The following CHCHD6 variants were observed in gnomAD, a reference collection of about 807,000 sequenced individuals.
CHCHD6 encodes the protein coiled-coil-helix-coiled-coil-helix domain containing 6.
A neutral mutation model predicts 32.3 loss-of-function variants in CHCHD6; 28 were observed. The ratio of observed to expected loss-of-function variants is 0.87; its 90% CI spans 0.64 to 1.19. The LOEUF (loss-of-function observed/expected upper bound fraction) is 1.19. CHCHD6 is among the 50% of genes most tolerant of loss of function. CHCHD6 has a pLI of 0.00. For synonymous variants in CHCHD6, 122 were observed against 117.5 expected, an observed-to-expected ratio of 1.04 and a Z score of -0.25; for missense variants, 333 against 307.0, an observed-to-expected ratio of 1.08 and a Z score of -0.63.
rs564990633 is a variant in CHCHD6, at chr3:126,729,111, A to G, written c.197-1450A>G. Among the ~76,000 whole-genome samples, 19 of 152,376 alleles carry G rather than the reference A, an allele frequency of 1.2e-4. No individual in the cohort carries two copies. The South Asian group carries it at 2.7e-3, about 22-fold the overall frequency. The stretch of plus-strand genomic sequence containing the variant: ...ATAGAAGATAGATTTTCTACACGTC[A>G]TATTAAACGAAGAAACCTTAAATTA... On this transcript the variant is annotated intron_variant, in intron 2 of 7. Coordinates refer to ENST00000290913, the MANE Select transcript of CHCHD6 (RefSeq NM_032343.3).
At chr3:126,749,753 TG>T in intron 4 of CHCHD6, among the ~76,000 whole-genome samples, 1 of 152,340 alleles carries the variant, frequency 6.6e-6, no homozygotes, top group South Asian at 2.1e-4. Context: ...GGCTCTTTTA[TG>T]GGCAAGACCA....
At chr3:126,768,306 G>T (rs1390798916) in intron 4 of CHCHD6, among the ~76,000 whole-genome samples, 1 of 152,140 alleles carries the variant, frequency 6.6e-6, no homozygotes, top group Non-Finnish European at 1.5e-5. Flanking sequence ...CTGTAAGACA[G>T]CTGTTCCCCC....
chr3:126,952,006 G>A (rs6802184), intron 6 of CHCHD6, among the ~76,000 whole-genome samples: 152,145 of 152,358 alleles, frequency 1, 75,966 homozygotes, highest in Non-Finnish European at 1. Context: ...TCTACCTTAT[G>A]TGGGCCTGCT....
intron 1 of CHCHD6, among the ~76,000 whole-genome samples, chr3:126,720,405 G>C (rs995873705): frequency 3.3e-5 from 5 of 152,168 alleles, no homozygotes; most frequent in Non-Finnish European, 7.3e-5. Flanking sequence ...CAGGGGCCTG[G>C]TGCATTCCCA....
chr3:126,730,693 G>T, intron 3 of CHCHD6, 63 bp downstream of exon 3: 1 of 1,391,738 alleles, frequency 7.2e-7, no homozygotes. Context: ...TTTCCTCACT[G>T]GGTACCCCTC....
intron 5 of CHCHD6, among the ~76,000 whole-genome samples, chr3:126,867,877 C>T (rs937275766): frequency 6.6e-6 from 1 of 152,246 alleles, no homozygotes; most frequent in African/African-American, 2.4e-5. Flanking sequence ...TATGATCTGG[C>T]ATCCACCTGT....
rs1391057449 is a variant in CHCHD6 at position 126,874,022 on chromosome 3, C to G, written c.495+21292C>G. On this transcript the variant is annotated intron_variant, in intron 5 of 7. Coordinates refer to ENST00000290913, the MANE Select transcript of CHCHD6 (RefSeq NM_032343.3). ...TTTCCTTTCAGAAATGGAGATGGCC[C>G]CTGCCCCGCAGAACCCAGCTCACTG... Among the ~76,000 whole-genome samples, 23 of 152,164 alleles carry G rather than the reference C, an allele frequency of 1.5e-4. 1 individual carries two copies. Among genetic ancestry groups the G allele is most frequent in the Admixed American group, 1.5e-3 (23 of 15,282 alleles).
chr3:126,912,829 G>T (rs988428180), intron 5 of CHCHD6, among the ~76,000 whole-genome samples: 23 of 152,334 alleles, frequency 1.5e-4, no homozygotes, highest in African/African-American at 5.5e-4. Flanking sequence ...GACTAGAGGG[G>T]GGCCTGGTTT....
At chr3:126,865,956 C>T (rs1376772504) in intron 5 of CHCHD6, among the ~76,000 whole-genome samples, 2 of 152,138 alleles carry the variant, frequency 1.3e-5, no homozygotes, top group Non-Finnish European at 2.9e-5. Context: ...TGCACACCTG[C>T]GCTTTGCTAA....
At chr3:126,803,261 G>T (rs1281258348) in intron 4 of CHCHD6, among the ~76,000 whole-genome samples, 1 of 152,112 alleles carries the variant, frequency 6.6e-6, no homozygotes, top group African/African-American at 2.4e-5. Context: ...TTAAAAGACA[G>T]AGAGTGGCAA....
At chr3:126,957,742 A>G (rs2078807141) in intron 7 of CHCHD6, 191 bp downstream of exon 7, 4 of 708,708 alleles carry the variant, frequency 5.6e-6, no homozygotes, top group African/African-American at 1.8e-5. Context: ...GGCTGCTTCC[A>G]GGAGCGCCTT....
chr3:126,723,582 A>G (rs999773010), intron 1 of CHCHD6, among the ~76,000 whole-genome samples: 1 of 152,192 alleles, frequency 6.6e-6, no homozygotes, highest in Non-Finnish European at 1.5e-5. Flanking sequence ...AATCAGCAGT[A>G]TATCTCATGT....
At chr3:126,821,167 T>C (rs1484474338) in intron 4 of CHCHD6, among the ~76,000 whole-genome samples, 3 of 152,274 alleles carry the variant, frequency 2.0e-5, no homozygotes, top group Non-Finnish European at 4.4e-5. Flanking sequence ...TTTATTCCTT[T>C]TGATGGCTGA....
At chr3:126,829,188 C>T (rs962447345) in intron 4 of CHCHD6, among the ~76,000 whole-genome samples, 11 of 152,254 alleles carry the variant, frequency 7.2e-5, no homozygotes, top group African/African-American at 2.4e-4. Flanking sequence ...GTTCAGTGAT[C>T]AGCCAGAGAT....
intron 5 of CHCHD6, among the ~76,000 whole-genome samples, chr3:126,862,522 A>C: frequency 1.2e-5 from 1 of 85,140 alleles, no homozygotes; most frequent in African/African-American, 4.5e-5. Context: ...CACCATCACC[A>C]CCTCACCCTC....
At chr3:126,941,503 T>C (rs779551143) in intron 6 of CHCHD6, among the ~76,000 whole-genome samples, 3 of 152,232 alleles carry the variant, frequency 2.0e-5, no homozygotes, top group Admixed American at 6.5e-5. Context: ...AATCACTTTG[T>C]CAAACTTTCC....
chr3:126,917,936 G>A lies in CHCHD6; in HGVS notation c.566+3186G>A, dbSNP rs141131702. On this transcript the variant is annotated intron_variant, in intron 6 of 7. Coordinates refer to ENST00000290913, the MANE Select transcript of CHCHD6 (RefSeq NM_032343.3). ...GCCTCCAGAACTGTGAGGAATAAAC[G>A]TCTATTGTTTATAAGCTGCCCAGTC... Among the ~76,000 whole-genome samples, 323 of 152,256 alleles carry A rather than the reference G, an allele frequency of 2.1e-3. 1 individual carries two copies. The highest frequency in any genetic ancestry group is 7.5e-3 in the African/African-American group (311 of 41,534).
At chr3:126,818,769 A>G (rs371400792) in intron 4 of CHCHD6, among the ~76,000 whole-genome samples, 75 of 152,270 alleles carry the variant, frequency 4.9e-4, no homozygotes, top group Admixed American at 1.4e-3. Flanking sequence ...TCTCCCCATC[A>G]TCTGATTCTG....
At chr3:126,906,946 G>A (rs1387881806) in intron 5 of CHCHD6, among the ~76,000 whole-genome samples, 1 of 152,170 alleles carries the variant, frequency 6.6e-6, no homozygotes, top group Non-Finnish European at 1.5e-5. Context: ...ATGACTGGTG[G>A]GCATCTCTTT....
Sources: gnomAD v4.1 joint callset for allele counts (sites outside exome capture counted in the v4.1 genomes callset) on GRCh38, gnomAD v4.1.1 for gene constraint, MANE v1.5 for transcripts, NCBI Gene and HGNC (gene_info 2026-07-23, HGNC 2026-07-21) for gene names.